MAGI2: variants seen among roughly 807,000 people sequenced by gnomAD.
MAGI2 encodes the protein membrane associated guanylate kinase, WW and PDZ domain containing 2.
Under a neutral mutation model 133.3 loss-of-function variants are expected in MAGI2, and 35 were observed. The ratio of observed to expected loss-of-function variants is 0.26; its 90% CI spans 0.20 to 0.35. The LOEUF (loss-of-function observed/expected upper bound fraction) is 0.35. MAGI2 is among the 10% of genes least tolerant of loss of function. MAGI2 has a pLI of 1.00. For missense variants in MAGI2, 1,636 were observed against 1,863.4 expected, an observed-to-expected ratio of 0.88 and a Z score of 2.25; for synonymous variants, 729 against 710.6, an observed-to-expected ratio of 1.03 and a Z score of -0.41.
intron 3 of MAGI2, among the ~76,000 whole-genome samples, chr7:78,590,615 T>C (rs187482273): frequency 8.3e-4 from 126 of 152,326 alleles, no homozygotes; most frequent in Admixed American, 2.0e-3. Flanking sequence ...TCCTTATAAC[T>C]AAAATCAGTA....
chr7:78,132,712 T>C (rs1563162713), intron 18 of MAGI2, among the ~76,000 whole-genome samples, 177 bp downstream of exon 18: 1 of 152,212 alleles, frequency 6.6e-6, no homozygotes, highest in East Asian at 1.9e-4. Context: ...CTCAGCTATC[T>C]TTACTAATAA....
intron 2 of MAGI2, among the ~76,000 whole-genome samples, chr7:78,826,667 T>G (rs948596793): frequency 6.6e-6 from 1 of 152,094 alleles, no homozygotes; most frequent in Non-Finnish European, 1.5e-5. Context: ...TAAAAAATTG[T>G]TTAGGAGGTC....
intron 1 of MAGI2, among the ~76,000 whole-genome samples, chr7:79,318,627 G>C (rs1038103340): frequency 1.3e-5 from 2 of 152,150 alleles, no homozygotes; most frequent in Non-Finnish European, 2.9e-5. Flanking sequence ...GTTAAAAACT[G>C]CAGAGTGAAG....
chr7:79,242,446 AT>A (rs950775501), intron 1 of MAGI2, among the ~76,000 whole-genome samples: 1 of 152,178 alleles, frequency 6.6e-6, no homozygotes, highest in African/African-American at 2.4e-5. Flanking sequence ...TAGTGAGAAT[AT>A]TAATTATCAC....
intron 3 of MAGI2, among the ~76,000 whole-genome samples, chr7:78,543,299 C>T (rs1798560326): frequency 6.6e-6 from 1 of 152,154 alleles, no homozygotes. Flanking sequence ...CAATGAACAG[C>T]TATTCAGTTC....
At chr7:78,950,857 G>C (rs1190739195) in intron 2 of MAGI2, among the ~76,000 whole-genome samples, 2 of 151,766 alleles carry the variant, frequency 1.3e-5, no homozygotes, top group African/African-American at 2.4e-5. Flanking sequence ...AAAAATCTAT[G>C]AATAAATACA....
intron 2 of MAGI2, among the ~76,000 whole-genome samples, chr7:78,784,506 G>A (rs1208181003): frequency 6.6e-6 from 1 of 152,076 alleles, no homozygotes; most frequent in African/African-American, 2.4e-5. Context: ...TCTGTCTAGG[G>A]GTTGGCCATA....
chr7:78,873,357 A>G (rs146051718), intron 2 of MAGI2, among the ~76,000 whole-genome samples: 58 of 152,206 alleles, frequency 3.8e-4, no homozygotes, highest in African/African-American at 1.3e-3. Context: ...CTGTATTTAC[A>G]GCCACTTCCC....
intron 2 of MAGI2, among the ~76,000 whole-genome samples, chr7:78,908,854 A>T (rs1798171613): frequency 6.6e-6 from 1 of 152,208 alleles, no homozygotes; most frequent in Non-Finnish European, 1.5e-5. Context: ...AAATAGAAAG[A>T]AAAAAATAGA....
At chr7:78,531,271 T>C (rs1797448266) in intron 3 of MAGI2, among the ~76,000 whole-genome samples, 1 of 149,934 alleles carries the variant, frequency 6.7e-6, no homozygotes, top group East Asian at 2.0e-4. Context: ...TGGAGTGCAA[T>C]GGCATGATCT....
chr7:78,301,977 G>T (rs1797869577), intron 9 of MAGI2, among the ~76,000 whole-genome samples: 1 of 152,164 alleles, frequency 6.6e-6, no homozygotes, highest in Non-Finnish European at 1.5e-5. Flanking sequence ...AGGACTAAAT[G>T]ATCTAATGCA....
intron 7 of MAGI2, among the ~76,000 whole-genome samples, chr7:78,364,791 G>C (rs1233910728): frequency 6.6e-6 from 1 of 152,184 alleles, no homozygotes; most frequent in Non-Finnish European, 1.5e-5. Context: ...AAAAGTCACA[G>C]CTGTTCAACT....
At chr7:78,969,044 T>C (rs1185753282) in intron 2 of MAGI2, among the ~76,000 whole-genome samples, 1 of 152,058 alleles carries the variant, frequency 6.6e-6, no homozygotes, top group Non-Finnish European at 1.5e-5. Flanking sequence ...CATATGTAAA[T>C]GCCAGCAGCT....
chr7:78,667,023 T>G (rs1193250523), intron 2 of MAGI2, among the ~76,000 whole-genome samples: 1 of 152,180 alleles, frequency 6.6e-6, no homozygotes, highest in Non-Finnish European at 1.5e-5. Flanking sequence ...GTTGATCTTT[T>G]TTATTTTAAT....
chr7:78,534,233 A>T (rs1327944581), intron 3 of MAGI2, among the ~76,000 whole-genome samples: 4 of 152,208 alleles, frequency 2.6e-5, no homozygotes. Flanking sequence ...GAGAACTCCA[A>T]GAAGAGTTCA....
chr7:79,139,795 C>CAA (rs1419740234), intron 1 of MAGI2: 1 of 151,974 alleles, frequency 6.6e-6, no homozygotes. Context: ...ACAAATGAAC[C>CAA]AAAAAAACCA....
intron 1 of MAGI2, among the ~76,000 whole-genome samples, chr7:79,118,440 C>T (rs1819594438): frequency 6.6e-6 from 1 of 152,258 alleles, no homozygotes. Flanking sequence ...TTGCAATCAA[C>T]ATAGAGCTAA....
At chr7:78,432,177 C>A (rs1799855253) in intron 6 of MAGI2, among the ~76,000 whole-genome samples, 1 of 148,694 alleles carries the variant, frequency 6.7e-6, no homozygotes, top group African/African-American at 2.5e-5. Context: ...ACATTCTGTA[C>A]ATTAGAACAC....
chr7:78,763,260 C>T (rs1192188532), intron 2 of MAGI2, among the ~76,000 whole-genome samples: 2 of 152,144 alleles, frequency 1.3e-5, no homozygotes, highest in Admixed American at 1.3e-4. Flanking sequence ...AGAGTAGCAA[C>T]TATATATTAG....
Sources: allele counts gnomAD v4.1 joint callset (sites outside exome capture counted in the v4.1 genomes callset), GRCh38; gene constraint gnomAD v4.1.1; transcripts MANE v1.5; gene names NCBI Gene and HGNC (gene_info 2026-07-23, HGNC 2026-07-21).